Variants in PCDH19 observed in about 807,000 individuals in gnomAD.
PCDH19 encodes protocadherin-19.
PCDH19 carries 6 observed loss-of-function variants against 46.2 expected under a neutral mutation model. The observed-to-expected ratio is 0.13, with a 90% CI of 0.07 to 0.26. The LOEUF is 0.26. Among genes scored for constraint, PCDH19 ranks in the 10% least tolerant of loss-of-function variants. The pLI, the probability that PCDH19 is intolerant of heterozygous loss-of-function variation, is 1.00. For synonymous variants in PCDH19, 481 were observed against 415.7 expected (o/e 1.16, Z -1.91); for missense variants, 740 against 972.3 (o/e 0.76, Z 3.18).
At chrX:100,378,256 A>G (rs1927446496) in intron 3 of PCDH19, among the ~76,000 whole-genome samples, 1 of 112,968 alleles carries the variant, frequency 8.9e-6, no homozygotes, top group South Asian at 3.6e-4. Flanking sequence ...TTTTGCTGGC[A>G]TGGAAATAAG....
chrX:100,353,136 C>T (rs1186635653), intron 3 of PCDH19, among the ~76,000 whole-genome samples: 5 of 111,796 alleles, frequency 4.5e-5, no homozygotes, highest in Non-Finnish European at 3.8e-5. Flanking sequence ...CAACTAACTC[C>T]AAGTAGGATC....
chrX:100,376,235 C>CAAAAAAA (rs1171817638), intron 3 of PCDH19, among the ~76,000 whole-genome samples: 1 of 32,932 alleles, frequency 3.0e-5, no homozygotes, highest in Non-Finnish European at 5.6e-5. Context: ...AACTCCGTCT[C>CAAAAAAA]AAAAAAAAAA....
intron 3 of PCDH19, among the ~76,000 whole-genome samples, chrX:100,401,759 T>C (rs1333802001): frequency 9.0e-6 from 1 of 111,508 alleles, no homozygotes; most frequent in Non-Finnish European, 1.9e-5. Context: ...TACTCTTTTT[T>C]TTTTTCGTTG....
chrX:100,297,175 T>C (rs1452624617), intron 5 of PCDH19, among the ~76,000 whole-genome samples: 2 of 111,601 alleles, frequency 1.8e-5, no homozygotes, highest in Non-Finnish European at 3.8e-5. Flanking sequence ...GTCAAGGTGC[T>C]GAGAGTCAGC....
At chrX:100,362,449 T>C (rs144384897) in intron 3 of PCDH19, among the ~76,000 whole-genome samples, 2 of 110,697 alleles carry the variant, frequency 1.8e-5, no homozygotes, top group African/African-American at 6.6e-5. Context: ...CCTTTGTGTA[T>C]AGGTATTTTT....
In PCDH19 at chrX:100,410,222, C is replaced by T. The variant is rs1412149488; in HGVS notation, c.-1625G>A. On this transcript the variant is annotated 5_prime_UTR_variant, in exon 1 of 6. Coordinates refer to ENST00000373034, the MANE Select transcript of PCDH19 (RefSeq NM_001184880.2). ...CCCGCTCGTCCGTCTCCGCGCTGCG[C>T]CAGCCGCCGCCGCTACTGCTGCTGC... 1.4e-5 allele frequency: 4 copies of T among 293,795 alleles called. No homozygotes were observed. In the East Asian group the frequency reaches 1.9e-4, roughly 14 times the overall value. The allele number at this position is 293,795 out of a possible 1,213,427, so 24.2% of individuals were successfully genotyped here. A position where few individuals can be genotyped will look rare whatever the true frequency, so the allele number is the denominator to read the frequency against.
intron 5 of PCDH19, among the ~76,000 whole-genome samples, chrX:100,298,596 G>T (rs1397370751): frequency 1.8e-5 from 2 of 111,388 alleles, no homozygotes; most frequent in Non-Finnish European, 3.8e-5. Flanking sequence ...TTAGGACAAT[G>T]TTTCTGCAAA....
rs1280932059 is a variant in PCDH19 at position 100,408,080 on chromosome X, A to T, written c.518T>A (p.Leu173Gln). The change falls in exon 1 of 6, where the codon CTG (leucine) becomes CAG (glutamine). Residue 173 changes from leucine to glutamine, a missense_variant. Leu to Gln is a moderately radical substitution (Grantham distance 113, BLOSUM62 -2). Transcript: ENST00000373034. ...GCGCGTCTTGATCTCCAGGCCGAAC[A>T]GCTCGTTGGGCGTGAGCTCGTAAGT... ...VQTYELTPNELFGLEIKTRGD... is the reference protein window; with the variant it reads ...VQTYELTPNEQFGLEIKTRGD... 1.7e-6 allele frequency: 2 copies of T among 1,208,981 alleles called. No individual in the cohort carries two copies. Among genetic ancestry groups the T allele is most frequent in the Non-Finnish European group, 2.2e-6 (2 of 895,481 alleles).
chrX:100,378,148 G>A (rs569541460), intron 3 of PCDH19, among the ~76,000 whole-genome samples: 3 of 112,751 alleles, frequency 2.7e-5, no homozygotes, highest in South Asian at 7.3e-4. Flanking sequence ...TGCTCTCACC[G>A]TACAGAAGCC....
chrX:100,360,031 G>A (rs1481340431), intron 3 of PCDH19, among the ~76,000 whole-genome samples: 6 of 111,583 alleles, frequency 5.4e-5, no homozygotes, highest in South Asian at 3.8e-4. Context: ...GACTGCCTGC[G>A]GAGTGTGCAG....
rs781177261 is a variant in PCDH19 at position 100,391,286 on chromosome X, G to A, written c.2616+11238C>T. On this transcript the variant is annotated intron_variant, in intron 3 of 5. Coordinates refer to ENST00000373034, the MANE Select transcript of PCDH19 (RefSeq NM_001184880.2). ...AGGTCTAGTTTGCCAGGCAAGACGC[G>A]TGCATCTCCTATTCATCCCTAGAAC... is the stretch of plus-strand genomic sequence containing the variant. 3.6e-5 allele frequency among the ~76,000 whole-genome samples: 4 copies of A among 111,462 alleles called. No individual in the cohort carries two copies. The East Asian group carries it at 8.5e-4, about 24-fold the overall frequency.
chrX:100,322,081 G>A (rs920975877), intron 5 of PCDH19, among the ~76,000 whole-genome samples: 15 of 110,546 alleles, frequency 1.4e-4, no homozygotes, highest in South Asian at 3.9e-4. Flanking sequence ...GAGCCACCGC[G>A]CCTGGCCTAT....
chrX:100,409,735 C>CTACTG lies in PCDH19; in HGVS notation c.-1139_-1138insCAGTA. On this transcript the variant is annotated 5_prime_UTR_variant, in exon 1 of 6. Coordinates refer to ENST00000373034, the MANE Select transcript of PCDH19 (RefSeq NM_001184880.2). The stretch of plus-strand genomic sequence containing the variant: ...CCGCCGCCGCCGCCGCCGCCGCCGC[C>CTACTG]GCCGCGGGAGGAAGCCCTCCTAGCT... 1 of 257,146 alleles carries CTACTG rather than the reference C, an allele frequency of 3.9e-6. No individual in the cohort carries two copies. The allele number at this position is 257,146 out of a possible 1,213,427, so 21.2% of individuals were successfully genotyped here.
intron 3 of PCDH19, among the ~76,000 whole-genome samples, chrX:100,391,742 A>T (rs1927869302): frequency 8.9e-6 from 1 of 112,252 alleles, no homozygotes; most frequent in Non-Finnish European, 1.9e-5. Flanking sequence ...TATGTCTTGG[A>T]TTCTGATTTC....
At chrX:100,336,433 C>A (rs750156817) in intron 5 of PCDH19, among the ~76,000 whole-genome samples, 4 of 112,032 alleles carry the variant, frequency 3.6e-5, no homozygotes, top group Non-Finnish European at 7.5e-5. Context: ...AAGCATAGTA[C>A]GCAGCCTACA....
intron 5 of PCDH19, among the ~76,000 whole-genome samples, chrX:100,338,017 C>CT (rs1326170984): frequency 9.0e-6 from 1 of 111,528 alleles, no homozygotes; most frequent in East Asian, 2.8e-4. Context: ...TTCCTAGTGA[C>CT]TAAATACCTG....
At chrX:100,313,066 C>A (rs1925182066) in intron 5 of PCDH19, among the ~76,000 whole-genome samples, 2 of 111,631 alleles carry the variant, frequency 1.8e-5, no homozygotes, top group Non-Finnish European at 3.8e-5. Flanking sequence ...CATTTTCATT[C>A]ACAAATTAAT....
intron 3 of PCDH19, among the ~76,000 whole-genome samples, chrX:100,376,607 C>A (rs1602617172): frequency 1.8e-5 from 2 of 111,874 alleles, no homozygotes; most frequent in Admixed American, 9.5e-5. Flanking sequence ...AGAAATTTGG[C>A]ATTAATGAAG....
chrX:100,355,773 G>A (rs760698124), intron 3 of PCDH19, among the ~76,000 whole-genome samples: 8 of 111,431 alleles, frequency 7.2e-5, no homozygotes, highest in South Asian at 3.8e-4. Context: ...CTAGTAAGAC[G>A]TTTGGGTGGG....
Sources: allele counts gnomAD v4.1 joint callset (sites outside exome capture counted in the v4.1 genomes callset), GRCh38; gene constraint gnomAD v4.1.1; transcripts MANE v1.5; gene names NCBI Gene and HGNC (gene_info 2026-07-23, HGNC 2026-07-21).